Variants in SLC35D3 observed in about 807,000 individuals in gnomAD.
SLC35D3 encodes the protein frc, fringe-like 1.
SLC35D3 carries 18 observed loss-of-function variants against 20.3 expected under a neutral mutation model. The observed-to-expected ratio is 0.89, with a 90% CI of 0.61 to 1.32. The LOEUF is 1.32. Ranked by LOEUF, SLC35D3 falls within the 40% of genes most tolerant of loss-of-function variation. SLC35D3 has a pLI of 0.00. For synonymous variants in SLC35D3, 313 were observed against 263.5 expected (o/e 1.19, Z -1.82); for missense variants, 556 against 565.5 (o/e 0.98, Z 0.17).
rs547141616 is a variant in SLC35D3, at chr6:136,922,374, C to T, written c.-55C>T. ...CGCCCTCACTCCGCTGCTCCCGGCT[C>T]CTCGCGCGCAGGTCGCGGAGCTCCG... On this transcript the variant is annotated 5_prime_UTR_variant, in exon 1 of 2. Coordinates refer to ENST00000331858, the MANE Select transcript of SLC35D3 (RefSeq NM_001008783.3). This position sits in a 1 kb window ranked among gnomAD's most constrained non-coding sequence, Gnocchi z 6.8. The T allele has an allele frequency of 1.1e-4, 148 of 1,374,286 alleles. 1 individual carries two copies. The African/African-American group carries it at 2.1e-3, about 20-fold the overall frequency. 85.1% of individuals were successfully genotyped at this position (1,374,286 alleles called of 1,614,324 possible). A position where few individuals can be genotyped will look rare whatever the true frequency, so the allele number is the denominator to read the frequency against.
In SLC35D3 at chr6:136,924,507, C is replaced by A. The variant is rs771784225; in HGVS notation, c.1062C>A (p.Gly354=). Residue 354 remains glycine, a synonymous_variant, in exon 2 of 2, where the codon GGC becomes GGA. Transcript: ENST00000331858. The part of the protein sequence containing the change: ...GRSEGGEAAG[G]PAQESRQEVR... ...CAGAAGGTGGGGAGGCAGCAGGTGG[C>A]CCCGCTCAGGAGAGCAGGCAAGAGG... is the stretch of plus-strand genomic sequence containing the variant. 1 of 1,613,248 alleles carries A rather than the reference C, an allele frequency of 6.2e-7. No individual in the cohort carries two copies. The highest frequency in any genetic ancestry group is 8.5e-7 in the Non-Finnish European group (1 of 1,179,820).
rs1031519739 is a variant in SLC35D3 at position 136,922,626 on chromosome 6, C to G, written c.198C>G (p.Ala66=). 3 of 1,610,622 alleles carry G rather than the reference C, an allele frequency of 1.9e-6. No individual in the cohort carries two copies. Among genetic ancestry groups the G allele is most frequent in the Admixed American group, 1.7e-5 (1 of 59,976 alleles). The change falls in exon 1 of 2, where the codon GCC becomes GCG. Residue 66 remains alanine, a synonymous_variant. Coordinates refer to ENST00000331858, the MANE Select transcript of SLC35D3 (RefSeq NM_001008783.3). The surrounding 1 kb of genome is among the most constrained non-coding windows in gnomAD (Gnocchi z 6.8). ...TGCTGCGGCGCCTCGGGCTCATCGC[C>G]GTGCCCCCCTTCGGTCTGAGCCTGG... The part of the protein sequence containing the change: ...LELLRRLGLI[A]VPPFGLSLAR...
Position 136,922,658 on chromosome 6 carries a change from C to A in SLC35D3, c.230C>A (p.Ser77Tyr). Residue 77 changes from serine to tyrosine, a missense_variant, in exon 1 of 2, where the codon TCC becomes TAC. Physicochemically the swap from Ser to Tyr is moderately radical, Grantham distance 144. Transcript: ENST00000331858. The surrounding 1 kb of genome is among the most constrained non-coding windows in gnomAD (Gnocchi z 6.8). ...VPPFGLSLAR[S>Y]FAGVAVLSTL... is the part of the protein sequence containing the mutation. The stretch of plus-strand genomic sequence containing the variant: ...CCCTTCGGTCTGAGCCTGGCGCGCT[C>A]CTTCGCGGGGGTCGCGGTGCTCTCC... The A allele has an allele frequency of 6.2e-7, 1 of 1,608,248 alleles. No individual in the cohort carries two copies. Among genetic ancestry groups the A allele is most frequent in the East Asian group, 2.2e-5 (1 of 44,782 alleles).
rs371488265 is a variant in SLC35D3, at chr6:136,924,117, C to A, written c.672C>A (p.Ala224=). Residue 224 remains alanine (A), a synonymous_variant, in exon 2 of 2, where the codon GCC becomes GCA. Coordinates refer to ENST00000331858, the MANE Select transcript of SLC35D3 (RefSeq NM_001008783.3). ...AWTFPGWKDP[A]MVCIFVACIL... ...CCTTCCCGGGCTGGAAGGACCCGGC[C>A]ATGGTCTGCATCTTCGTGGCCTGCA... 164 of 1,612,826 alleles carry A rather than the reference C, an allele frequency of 1.0e-4. 11 individuals carry two copies. The highest frequency in any genetic ancestry group is 4.0e-4 in the Admixed American group (24 of 60,022).
At position 136,924,057 on chromosome 6, in the gene SLC35D3, C is replaced by A; in HGVS notation, c.612C>A (p.Cys204Ter). ...CTGCCACCCCGCTGCTGGTCATCTGCTCCTTCGCCAGCACCGACTCCATCC... is the reference window on the plus strand; with the variant it reads ...CTGCCACCCCGCTGCTGGTCATCTGATCCTTCGCCAGCACCGACTCCATCC... ...AVSATPLLVI[C>*]SFASTDSIHA... Residue 204 changes from cysteine (C) to a stop codon, truncating the protein, a stop_gained, in exon 2 of 2, where the codon TGC becomes TGA. Transcript: ENST00000331858. LOFTEE classifies it high-confidence loss of function. 6.2e-7 allele frequency: 1 copy of A among 1,610,140 alleles called. No homozygotes were observed. Among genetic ancestry groups the A allele is most frequent in the Non-Finnish European group, 8.5e-7 (1 of 1,179,200 alleles).
rs1044062232 is a variant in SLC35D3 at position 136,923,667 on chromosome 6, C to A, written c.440-218C>A. 6.6e-5 allele frequency among the ~76,000 whole-genome samples: 10 copies of A among 152,134 alleles called. No individual in the cohort carries two copies. The highest frequency in any genetic ancestry group is 1.7e-4 in the African/African-American group (7 of 41,436). On this transcript the variant is annotated intron_variant, in intron 1 of 1. Coordinates refer to ENST00000331858, the MANE Select transcript of SLC35D3 (RefSeq NM_001008783.3). The surrounding 1 kb of genome is among the most constrained non-coding windows in gnomAD (Gnocchi z 6.2). ...GTGACCCGGGGATATGGCGGGAAGGCGCTCTGAGCACTGAGTTTGGCTGTC... is the reference window on the plus strand; with the variant it reads ...GTGACCCGGGGATATGGCGGGAAGGAGCTCTGAGCACTGAGTTTGGCTGTC...
rs762935350 is a variant in SLC35D3, at chr6:136,923,407, A to AG, written c.440-473dup. 2.6e-4 allele frequency among the ~76,000 whole-genome samples: 39 copies of AG among 152,164 alleles called. 4 individuals are homozygous for AG. The highest frequency in any genetic ancestry group is 1.0e-3 in the Admixed American group (16 of 15,302). On this transcript the variant is annotated intron_variant, in intron 1 of 1. Transcript: ENST00000331858. The surrounding 1 kb of genome is among the most constrained non-coding windows in gnomAD (Gnocchi z 6.2). ...TGCTGAGCGAGACGAGAGCCTGGGC[A>AG]GGGGGAAGCTTCACTGGGGGCCAGA...
In SLC35D3 at chr6:136,923,907, C is replaced by T. The variant is rs763146050; in HGVS notation, c.462C>T (p.Asp154=). ...ALAGAGDLTG[D]PIGYVTGVLA... is the part of the protein sequence containing the mutation. ...CAGGAGCCGGCGACCTGACGGGCGA[C>T]CCCATCGGGTACGTCACGGGAGTGC... Residue 154 remains aspartate (D), a synonymous_variant, in exon 2 of 2, where the codon GAC becomes GAT. Coordinates refer to ENST00000331858, the MANE Select transcript of SLC35D3 (RefSeq NM_001008783.3). This position sits in a 1 kb window ranked among gnomAD's most constrained non-coding sequence, Gnocchi z 6.2. The T allele has an allele frequency of 2.0e-6, 3 of 1,522,184 alleles. No individual in the cohort carries two copies. The highest frequency in any genetic ancestry group is 2.7e-5 in the African/African-American group (2 of 72,822). The allele number at this position is 1,522,184 out of a possible 1,614,324, so 94.3% of individuals were successfully genotyped here.
chr6:136,924,588 C>A lies in SLC35D3; in HGVS notation c.1143C>A (p.Ser381Arg), dbSNP rs201048173. 4 of 1,613,790 alleles carry A rather than the reference C, an allele frequency of 2.5e-6. No individual in the cohort carries two copies. In the South Asian group the frequency reaches 3.3e-5, roughly 13 times the overall value. Residue 381 changes from serine to arginine, a missense_variant, in exon 2 of 2, where the codon AGC (serine) becomes AGA (arginine). Ser to Arg is a moderately radical substitution (Grantham distance 110). Transcript: ENST00000331858. ...PLVAGSSEEG[S>R]RRSLKDAYLE... ...TGGCTGGGAGCTCTGAAGAAGGGAGCAGGAGGTCGTTAAAAGATGCTTACC... is the reference window on the plus strand; with the variant it reads ...TGGCTGGGAGCTCTGAAGAAGGGAGAAGGAGGTCGTTAAAAGATGCTTACC...
At position 136,922,566 on chromosome 6, in the gene SLC35D3, C is replaced by G. The variant is rs1230948471; in HGVS notation, c.138C>G (p.Cys46Trp). ...TCTCCTTCCTGACCCTGGTGCAGTGCCTGACCAGCTCCACCGCGGCGCTGA... is the reference window on the plus strand; with the variant it reads ...TCTCCTTCCTGACCCTGGTGCAGTGGCTGACCAGCTCCACCGCGGCGCTGA... ...YQFSFLTLVQ[C>W]LTSSTAALSL... Residue 46 changes from cysteine to tryptophan, a missense_variant, in exon 1 of 2, where the codon TGC (cysteine) becomes TGG (tryptophan). Transcript: ENST00000331858. This position sits in a 1 kb window ranked among gnomAD's most constrained non-coding sequence, Gnocchi z 6.8. The G allele has an allele frequency of 6.2e-7, 1 of 1,612,610 alleles. No homozygotes were observed. The highest frequency in any genetic ancestry group is 2.2e-5 in the East Asian group (1 of 44,844).
chr6:136,922,694 C>T lies in SLC35D3; in HGVS notation c.266C>T (p.Ser89Phe), dbSNP rs2115307470. Residue 89 changes from serine to phenylalanine, a missense_variant, in exon 1 of 2, where the codon TCC (serine) becomes TTC (phenylalanine). Ser to Phe is a radical substitution (Grantham distance 155). Coordinates refer to ENST00000331858, the MANE Select transcript of SLC35D3 (RefSeq NM_001008783.3). The surrounding 1 kb of genome is among the most constrained non-coding windows in gnomAD (Gnocchi z 6.8). ...AGVAVLSTLQ[S>F]SLTLWSLRGL... ...GTCGCGGTGCTCTCCACGCTGCAGT[C>T]CAGCCTCACGCTCTGGTCCCTGCGC... The T allele has an allele frequency of 1.3e-6, 2 of 1,599,908 alleles. No homozygotes were observed. The highest frequency in any genetic ancestry group is 1.7e-6 in the Non-Finnish European group (2 of 1,174,544).
Position 136,922,397 on chromosome 6 carries a change from C to G in SLC35D3, c.-32C>G. The G allele has an allele frequency of 7.0e-7, 1 of 1,437,964 alleles. No individual in the cohort carries two copies. 89.1% of individuals were successfully genotyped at this position (1,437,964 alleles called of 1,614,324 possible). A position where few individuals can be genotyped will look rare whatever the true frequency, so the allele number is the denominator to read the frequency against. ...CTCCTCGCGCGCAGGTCGCGGAGCT[C>G]CGCCACCGCTGGGTGCGGCGAGGCC... On this transcript the variant is annotated 5_prime_UTR_variant, in exon 1 of 2. Coordinates refer to ENST00000331858, the MANE Select transcript of SLC35D3 (RefSeq NM_001008783.3). This position sits in a 1 kb window ranked among gnomAD's most constrained non-coding sequence, Gnocchi z 6.8.
At position 136,923,066 on chromosome 6, in the gene SLC35D3, C is replaced by G. The variant is rs1776085016; in HGVS notation, c.439+199C>G. Among the ~76,000 whole-genome samples the G allele has an allele frequency of 6.6e-6, 1 of 152,186 alleles. No individual in the cohort carries two copies. The highest frequency in any genetic ancestry group is 6.5e-5 in the Admixed American group (1 of 15,280). ...CCCAGAGAGCTCCCCAGCGCCCCAC[C>G]AAGTCCCCCTGCCCCCTAATGTCCT... On this transcript the variant is annotated intron_variant, in intron 1 of 1. Coordinates refer to ENST00000331858, the MANE Select transcript of SLC35D3 (RefSeq NM_001008783.3). This position sits in a 1 kb window ranked among gnomAD's most constrained non-coding sequence, Gnocchi z 6.2.
rs1469165017 is a variant in SLC35D3, at chr6:136,924,938, C to T, written c.*242C>T. On this transcript the variant is annotated 3_prime_UTR_variant, in exon 2 of 2. Coordinates refer to ENST00000331858, the MANE Select transcript of SLC35D3 (RefSeq NM_001008783.3). ...GAAGCTACTTAACAAAGTAAGGCAA[C>T]GTTTCTGCTTCAGACTCCTGGCACA... The T allele has an allele frequency of 9.7e-6, 4 of 410,348 alleles. No homozygotes were observed. Among genetic ancestry groups the T allele is most frequent in the African/African-American group, 6.0e-5 (3 of 49,632 alleles). The allele number at this position is 410,348 out of a possible 1,614,324, so 25.4% of individuals were successfully genotyped here.
rs776294794 is a variant in SLC35D3, at chr6:136,922,647, C to A, written c.219C>A (p.Ser73Arg). ...GLIAVPPFGL[S>R]LARSFAGVAV... ...TCGCCGTGCCCCCCTTCGGTCTGAG[C>A]CTGGCGCGCTCCTTCGCGGGGGTCG... Residue 73 changes from serine to arginine, a missense_variant, in exon 1 of 2, where the codon AGC becomes AGA. Ser to Arg is a moderately radical substitution (Grantham distance 110). Transcript: ENST00000331858. The surrounding 1 kb of genome is among the most constrained non-coding windows in gnomAD (Gnocchi z 6.8). 4.4e-6 allele frequency: 7 copies of A among 1,609,182 alleles called. No individual in the cohort carries two copies. In the Admixed American group the frequency reaches 1.2e-4, roughly 27 times the overall value.
Position 136,924,964 on chromosome 6 carries a change from T to A in SLC35D3, c.*268T>A. 3.0e-6 allele frequency: 1 copy of A among 337,300 alleles called. No homozygotes were observed. The highest frequency in any genetic ancestry group is 5.3e-5 in the East Asian group (1 of 18,724). 20.9% of individuals were successfully genotyped at this position (337,300 alleles called of 1,614,324 possible). A position where few individuals can be genotyped will look rare whatever the true frequency, so the allele number is the denominator to read the frequency against. On this transcript the variant is annotated 3_prime_UTR_variant, in exon 2 of 2. Coordinates refer to ENST00000331858, the MANE Select transcript of SLC35D3 (RefSeq NM_001008783.3). Reference sequence around the variant, plus strand: ...GTTTCTGCTTCAGACTCCTGGCACATTTACTTTTTGTCATTATAACCATAA... The same window carrying A: ...GTTTCTGCTTCAGACTCCTGGCACAATTACTTTTTGTCATTATAACCATAA...
At position 136,922,404 on chromosome 6, in the gene SLC35D3, C is replaced by T. The variant is rs749777109; in HGVS notation, c.-25C>T. The T allele has an allele frequency of 2.4e-4, 355 of 1,473,160 alleles. No homozygotes were observed. Among genetic ancestry groups the T allele is most frequent in the Non-Finnish European group, 3.1e-4 (345 of 1,117,010 alleles). The allele number at this position is 1,473,160 out of a possible 1,614,324, so 91.3% of individuals were successfully genotyped here. A position where few individuals can be genotyped will look rare whatever the true frequency, so the allele number is the denominator to read the frequency against. On this transcript the variant is annotated 5_prime_UTR_variant, in exon 1 of 2. Coordinates refer to ENST00000331858, the MANE Select transcript of SLC35D3 (RefSeq NM_001008783.3). The surrounding 1 kb of genome is among the most constrained non-coding windows in gnomAD (Gnocchi z 6.8). The stretch of plus-strand genomic sequence containing the variant: ...CGCGCAGGTCGCGGAGCTCCGCCAC[C>T]GCTGGGTGCGGCGAGGCCGGCGCGA...
chr6:136,922,503 C>G lies in SLC35D3; in HGVS notation c.75C>G (p.Leu25=). 6.2e-7 allele frequency: 1 copy of G among 1,611,732 alleles called. No homozygotes were observed. The highest frequency in any genetic ancestry group is 1.3e-5 in the African/African-American group (1 of 75,014). Residue 25 remains leucine, a synonymous_variant, in exon 1 of 2, where the codon CTC becomes CTG. Coordinates refer to ENST00000331858, the MANE Select transcript of SLC35D3 (RefSeq NM_001008783.3). The surrounding 1 kb of genome is among the most constrained non-coding windows in gnomAD (Gnocchi z 6.8). ...CGCACGGGGTCTTCTCGGGCTCCCT[C>G]AACATCTTGCTCAAGTTCCTCATCA... ...AIAHGVFSGS[L]NILLKFLISR... is the part of the protein sequence containing the mutation.
chr6:136,924,896 CAG>C lies in SLC35D3; in HGVS notation c.*204_*205del, dbSNP rs1776113986. The C allele has an allele frequency of 5.8e-6, 3 of 518,934 alleles. No homozygotes were observed. Among genetic ancestry groups the C allele is most frequent in the Non-Finnish European group, 9.8e-6 (3 of 304,776 alleles). The allele number at this position is 518,934 out of a possible 1,614,324, so 32.1% of individuals were successfully genotyped here. A position where few individuals can be genotyped will look rare whatever the true frequency, so the allele number is the denominator to read the frequency against. On this transcript the variant is annotated 3_prime_UTR_variant, in exon 2 of 2. Transcript: ENST00000331858. ...TAGTGTGACTTCACCTGAGGCATCA[CAG>C]AGACAAAAGAATGTGAAGCTACTTA...
Sources: allele counts gnomAD v4.1 joint callset (sites outside exome capture counted in the v4.1 genomes callset), GRCh38; gene constraint gnomAD v4.1.1; non-coding constraint Gnocchi (gnomAD v3.1); transcripts MANE v1.5; gene names NCBI Gene and HGNC (gene_info 2026-07-23, HGNC 2026-07-21).